Variants in MCF2L observed in about 807,000 individuals in gnomAD.
The protein encoded by MCF2L is MCF.2 cell line derived transforming sequence like.
MCF2L carries 97 observed loss-of-function variants against 153.4 expected under a neutral mutation model. The observed-to-expected ratio is 0.63, with a 90% CI of 0.54 to 0.75. The LOEUF is 0.75. Ranked by LOEUF, MCF2L falls within the 30% of genes least tolerant of loss-of-function variation. The pLI is 0.00. For missense variants in MCF2L, 1,347 were observed against 1,495.2 expected (o/e 0.90, Z 1.64); for synonymous variants, 659 against 632.2 (o/e 1.04, Z -0.64).
At chr13:112,970,708 G>A (rs533216540) in intron 1 of MCF2L, among the ~76,000 whole-genome samples, 8 of 152,212 alleles carry the variant, frequency 5.3e-5, no homozygotes, top group Admixed American at 3.3e-4. Context: ...AGTGGGAACC[G>A]CTCCAGAGGC....
upstream of MCF2L, among the ~76,000 whole-genome samples, chr13:112,966,318 G>A (rs533883394): frequency 1.3e-3 from 194 of 152,302 alleles, 1 homozygote; most frequent in Non-Finnish European, 2.2e-3. This position sits in a 1 kb window ranked among gnomAD's most constrained non-coding sequence, Gnocchi z 4.1. Flanking sequence ...AAGGTCCAGG[G>A]GCAGCTGGGG....
At chr13:113,077,459 G>A (rs545998710) in intron 13 of MCF2L, among the ~76,000 whole-genome samples, 139 of 152,328 alleles carry the variant, frequency 9.1e-4, no homozygotes, top group Non-Finnish European at 1.5e-3. Context: ...TGTAGGCATC[G>A]TTGTGGCTGC....
chr13:113,090,573 G>T (rs1189946084), intron 26 of MCF2L: 1 of 985,316 alleles, frequency 1.0e-6, no homozygotes, highest in Admixed American at 6.1e-5. Context: ...AGTGAACAGG[G>T]CTGATGGGAC....
upstream of MCF2L, among the ~76,000 whole-genome samples, chr13:112,968,145 G>GT (rs1555355464): frequency 6.7e-6 from 1 of 148,836 alleles, no homozygotes; most frequent in Non-Finnish European, 1.5e-5. Context: ...AGTGAGGTGG[G>GT]GGGGGGGGTC....
intron 4 of MCF2L, among the ~76,000 whole-genome samples, chr13:113,049,436 C>CA (rs2087060901): frequency 6.6e-6 from 1 of 152,172 alleles, no homozygotes; most frequent in Non-Finnish European, 1.5e-5. Flanking sequence ...ACCCCTTGGG[C>CA]ATCTTGATTC....
intron 1 of MCF2L, among the ~76,000 whole-genome samples, chr13:112,974,074 G>A (rs1425759625): frequency 5.3e-5 from 8 of 152,082 alleles, no homozygotes; most frequent in Non-Finnish European, 7.4e-5. Context: ...CTCACCTGGT[G>A]CCTCATTGCC....
At chr13:112,913,048 T>C (rs532511379) in intron 2 of MCF2L, among the ~76,000 whole-genome samples, 1 of 151,678 alleles carries the variant, frequency 6.6e-6, no homozygotes, top group South Asian at 2.1e-4. Context: ...GTGTCTGTGG[T>C]GTATCTGTGT....
intron 2 of MCF2L, among the ~76,000 whole-genome samples, chr13:113,024,093 AG>A (rs1345273502): frequency 6.6e-6 from 1 of 152,246 alleles, no homozygotes; most frequent in African/African-American, 2.4e-5. Flanking sequence ...CCTGGAGCCC[AG>A]CCTGTGTGAC....
At chr13:112,910,366 C>T (rs1409054801) in intron 2 of MCF2L, 1 of 152,188 alleles carries the variant, frequency 6.6e-6, no homozygotes, top group Non-Finnish European at 1.5e-5. Context: ...CACAAACATT[C>T]ATGAACAAAG....
intron 12 of MCF2L, among the ~76,000 whole-genome samples, chr13:113,076,784 C>T (rs1197002715): frequency 1.3e-5 from 2 of 152,266 alleles, no homozygotes; most frequent in Non-Finnish European, 1.5e-5. Context: ...CTCCTGAGCC[C>T]TCCACATGCC....
At chr13:113,029,597 T>G (rs1439790694) in intron 3 of MCF2L, among the ~76,000 whole-genome samples, 1 of 152,182 alleles carries the variant, frequency 6.6e-6, no homozygotes, top group Non-Finnish European at 1.5e-5. Context: ...CACTGCGCCC[T>G]GAGGGTGCTG....
At position 112,960,828 on chromosome 13, in the gene MCF2L, G is replaced by A. The variant is rs911544439; in HGVS notation, c.170-53935G>A. Among the ~76,000 whole-genome samples, 5 of 151,928 alleles carry A rather than the reference G, an allele frequency of 3.3e-5. No individual in the cohort carries two copies. The highest frequency in any genetic ancestry group is 2.9e-5 in the Non-Finnish European group (2 of 67,966). The stretch of plus-strand genomic sequence containing the variant: ...CCATCCTCACATCTCCTCCCTGCCT[G>A]AGCCTCCTGCTGCCCTGCTGGAAGG... On this transcript the variant is annotated intron_variant, in intron 2 of 29. Transcript: ENST00000375608. This position sits in a 1 kb window ranked among gnomAD's most constrained non-coding sequence, Gnocchi z 4.2.
chr13:113,056,298 GT>G (rs1488596157), intron 4 of MCF2L, among the ~76,000 whole-genome samples: 1 of 151,976 alleles, frequency 6.6e-6, no homozygotes, highest in East Asian at 1.9e-4. Context: ...GGTGCTGAGT[GT>G]TTGGGTGCTG....
rs1376981949 is a variant in MCF2L, at chr13:113,054,141, T to C, written c.370-6452T>C. ...TCAACAGACTGTCCTATTTTCATAG[T>C]AGTCCCCACCCAAATGTCATTCGAG... On this transcript the variant is annotated intron_variant, in intron 4 of 29. Coordinates refer to ENST00000535094, the MANE Select transcript of MCF2L (RefSeq NM_001112732.3). The surrounding 1 kb of genome is among the most constrained non-coding windows in gnomAD (Gnocchi z 5.2). Among the ~76,000 whole-genome samples, 1 of 152,126 alleles carries C rather than the reference T, an allele frequency of 6.6e-6. No homozygotes were observed. Among genetic ancestry groups the C allele is most frequent in the Non-Finnish European group, 1.5e-5 (1 of 68,020 alleles).
In MCF2L at chr13:113,069,509, C is replaced by G. The variant is rs752879987; in HGVS notation, c.882-550C>G. The stretch of plus-strand genomic sequence containing the variant: ...CACCTGGGTGGTGCACAGCTGGAGT[C>G]CCAGCTACGCGGAGGCAGAGGTCGC... On this transcript the variant is annotated intron_variant, in intron 8 of 29. Coordinates refer to ENST00000535094, the MANE Select transcript of MCF2L (RefSeq NM_001112732.3). Among the ~76,000 whole-genome samples, 33 of 58,994 alleles carry G rather than the reference C, an allele frequency of 5.6e-4. 3 individuals are homozygous for G. The highest frequency in any genetic ancestry group is 2.2e-3 in the East Asian group (3 of 1,336). The allele number at this position is 58,994 out of a possible 152,430, so 38.7% of individuals were successfully genotyped here. A position where few individuals can be genotyped will look rare whatever the true frequency, so the allele number is the denominator to read the frequency against.
intron 18 of MCF2L, among the ~76,000 whole-genome samples, chr13:113,084,308 ACCCCAGGACCTCCTGT>A (rs2034429030): frequency 6.6e-6 from 1 of 150,400 alleles, no homozygotes; most frequent in Non-Finnish European, 1.5e-5. Context: ...AACCTCCTGT[ACCCCAGGACCTCCTGT>A]ACCCCAGAAC....
In MCF2L at chr13:113,027,198, G is replaced by A; in HGVS notation, c.278+2440G>A. 2 of 619,338 alleles carry A rather than the reference G, an allele frequency of 3.2e-6. No individual in the cohort carries two copies. The highest frequency in any genetic ancestry group is 5.9e-6 in the Non-Finnish European group (2 of 339,520). The allele number at this position is 619,338 out of a possible 1,614,324, so 38.4% of individuals were successfully genotyped here. On this transcript the variant is annotated intron_variant, in intron 3 of 29. Coordinates refer to ENST00000535094, the MANE Select transcript of MCF2L (RefSeq NM_001112732.3). The surrounding 1 kb of genome is among the most constrained non-coding windows in gnomAD (Gnocchi z 4.8). ...CATTCTTCAGTCTTTAAAGACAACA[G>A]CGCACTGGGCCTGGTAACTGAGAGC...
chr13:112,931,604 C>T (rs2081464473), intron 2 of MCF2L, among the ~76,000 whole-genome samples: 1 of 152,158 alleles, frequency 6.6e-6, no homozygotes, highest in Admixed American at 6.5e-5. Context: ...CTGAGAGGGC[C>T]TGGAAGCAGC....
At position 113,096,828 on chromosome 13, in the gene MCF2L, G is replaced by C. The variant is rs748415340; in HGVS notation, c.3347G>C (p.Gly1116Ala). 1 of 1,525,042 alleles carries C rather than the reference G, an allele frequency of 6.6e-7. No individual in the cohort carries two copies. The highest frequency in any genetic ancestry group is 2.0e-5 in the Admixed American group (1 of 50,210). The allele number at this position is 1,525,042 out of a possible 1,614,324, so 94.5% of individuals were successfully genotyped here. ...LSNSSSCSEG[G>A]QAPFSDLQG is the part of the protein sequence containing the mutation. Reference sequence around the variant, plus strand: ...AACTCGTCCAGCTGCAGCGAGGGCGGCCAGGCCCCCTTCTCCGACCTGCAG... The same window carrying C: ...AACTCGTCCAGCTGCAGCGAGGGCGCCCAGGCCCCCTTCTCCGACCTGCAG... The change falls in exon 30 of 30, where the codon GGC becomes GCC. Residue 1116 changes from glycine (G) to alanine (A), a missense_variant. Physicochemically the swap from Gly to Ala is moderately conservative, Grantham distance 60. Transcript: ENST00000535094.
Sources: gnomAD v4.1 joint callset for allele counts (sites outside exome capture counted in the v4.1 genomes callset) on GRCh38, gnomAD v4.1.1 for gene constraint, Gnocchi (gnomAD v3.1) non-coding constraint, MANE v1.5 for transcripts, NCBI Gene and HGNC (gene_info 2026-07-23, HGNC 2026-07-21) for gene names.